The following SYT14 variants were observed in gnomAD, a reference collection of about 807,000 sequenced individuals.
The protein encoded by SYT14 is synaptotagmin 14.
Under a neutral mutation model 74.2 loss-of-function variants are expected in SYT14, and 32 were observed. The observed-to-expected ratio is 0.43, with a 90% CI of 0.33 to 0.58. SYT14 has a LOEUF of 0.58. SYT14 is among the 20% of genes least tolerant of loss of function. SYT14 has a pLI of 0.05. For synonymous variants in SYT14, 298 were observed against 337.7 expected, an observed-to-expected ratio of 0.88 and a Z score of 1.29; for missense variants, 791 against 981.8, an observed-to-expected ratio of 0.81 and a Z score of 2.60.
chr1:210,156,683 CTTTTTTTTTTTTTTTTTT>C (rs71146208), intron 8 of SYT14, among the ~76,000 whole-genome samples: 5 of 55,996 alleles, frequency 8.9e-5, no homozygotes, highest in Middle Eastern at 0.027. Flanking sequence ...GTGGCAGCTT[CTTTTTTTTTTTTTTTTTT>C]TTTTTTTTTT....
At chr1:210,077,627 A>T (rs846549) in intron 5 of SYT14, among the ~76,000 whole-genome samples, 86,404 of 152,084 alleles carry the variant, frequency 0.57, 26,642 homozygotes, top group African/African-American at 0.82. Flanking sequence ...GTCAAATTGC[A>T]GGGTCATATT....
intron 5 of SYT14, among the ~76,000 whole-genome samples, chr1:210,060,025 G>C (rs1452382364): frequency 6.6e-6 from 1 of 152,098 alleles, no homozygotes; most frequent in East Asian, 1.9e-4. Flanking sequence ...CTCAGCTCTA[G>C]TCTAGCATTG....
At chr1:210,068,427 T>G (rs2081334995) in intron 5 of SYT14, among the ~76,000 whole-genome samples, 1 of 151,758 alleles carries the variant, frequency 6.6e-6, no homozygotes, top group Admixed American at 6.6e-5. Flanking sequence ...GTAAAGCAAG[T>G]TTTGGATTAT....
At chr1:210,071,912 T>G (rs947282109) in intron 5 of SYT14, among the ~76,000 whole-genome samples, 4 of 151,918 alleles carry the variant, frequency 2.6e-5, no homozygotes, top group Non-Finnish European at 5.9e-5. Context: ...ATATGAATGT[T>G]CCTATGAGAT....
intron 7 of SYT14, among the ~76,000 whole-genome samples, chr1:210,116,854 A>G (rs2102598219): frequency 6.6e-6 from 1 of 152,250 alleles, no homozygotes; most frequent in Admixed American, 6.5e-5. Flanking sequence ...CAACATGTCC[A>G]AGTAAATCTG....
chr1:210,091,464 G>T (rs1404189090), intron 5 of SYT14, among the ~76,000 whole-genome samples: 1 of 152,136 alleles, frequency 6.6e-6, no homozygotes. Flanking sequence ...CGAGGCAGGC[G>T]GATTGCTTGA....
chr1:210,144,846 C>G (rs1423912693), intron 7 of SYT14, among the ~76,000 whole-genome samples: 1 of 152,096 alleles, frequency 6.6e-6, no homozygotes, highest in African/African-American at 2.4e-5. Flanking sequence ...GATTCTAACA[C>G]TCTATATGCT....
intron 7 of SYT14, among the ~76,000 whole-genome samples, chr1:210,100,822 C>T (rs2082051195): frequency 6.6e-6 from 1 of 151,980 alleles, no homozygotes; most frequent in Non-Finnish European, 1.5e-5. Flanking sequence ...CTAGGCAATA[C>T]ATTAAGAAGT....
chr1:210,169,730 G>C (rs549306353), exon 10 of SYT14: 1 of 152,176 alleles, frequency 6.6e-6, no homozygotes, highest in East Asian at 1.9e-4. Context: ...TATGTTTTCA[G>C]TTAAATTAGC....
Position 210,080,460 on chromosome 1 carries a change from G to A in SYT14, c.1313-13862G>A, listed in dbSNP as rs141153846. ...GAATAGTCACACCTCTTGATATCAC[G>A]TACTCTTTATTTTCTTAATGTTACA... On this transcript the variant is annotated intron_variant, in intron 5 of 9. Transcript: ENST00000637265. Among the ~76,000 whole-genome samples, 748 of 152,202 alleles carry A rather than the reference G, an allele frequency of 4.9e-3. 4 individuals carry two copies. The highest frequency in any genetic ancestry group is 0.014 in the African/African-American group (588 of 41,516).
Position 210,094,657 on chromosome 1 carries a change from C to T in SYT14, c.1584+64C>T, listed in dbSNP as rs2081937691. The T allele has an allele frequency of 1.5e-5, 23 of 1,544,256 alleles. No individual in the cohort carries two copies. In the South Asian group the frequency reaches 2.6e-4, roughly 17 times the overall value. On this transcript the variant is annotated intron_variant, in intron 6 of 9. Transcript: ENST00000637265. ...TTTGGAGGATAATAATCCTGTGCTT[C>T]TCCTCTTGGTAAGAAGAATTGATTT... is the stretch of plus-strand genomic sequence containing the variant.
intron 5 of SYT14, among the ~76,000 whole-genome samples, chr1:210,068,944 T>C (rs2081344326): frequency 3.3e-5 from 5 of 151,870 alleles, no homozygotes; most frequent in Admixed American, 3.3e-4. Flanking sequence ...AAAATACCAT[T>C]TCAGTTGTAT....
chr1:210,041,463 C>CA (rs1272846059), intron 5 of SYT14, among the ~76,000 whole-genome samples: 1 of 152,030 alleles, frequency 6.6e-6, no homozygotes, highest in Non-Finnish European at 1.5e-5. Context: ...CTATAATTTA[C>CA]AAAAAATTTT....
exon 6 of SYT14, chr1:210,094,533 T>A (rs2081934869): frequency 6.2e-7 from 1 of 1,611,924 alleles, no homozygotes; most frequent in Non-Finnish European, 8.5e-7. Flanking sequence ...TAGAAAGTTT[T>A]CATAATAAAG....
intron 2 of SYT14, among the ~76,000 whole-genome samples, chr1:209,965,527 C>T (rs999182518): frequency 1.3e-5 from 2 of 152,130 alleles, no homozygotes; most frequent in African/African-American, 2.4e-5. Flanking sequence ...CATATAAGTG[C>T]GTGTATCTTT....
intron 2 of SYT14, among the ~76,000 whole-genome samples, chr1:209,973,230 C>CT: frequency 6.7e-6 from 1 of 150,092 alleles, no homozygotes; most frequent in East Asian, 1.9e-4. Flanking sequence ...TTTTATTATA[C>CT]TTTAAGTTTT....
exon 10 of SYT14, chr1:210,163,698 A>G (rs4844954): frequency 0.83 from 376,574 of 453,614 alleles, 156,931 homozygotes; most frequent in East Asian, 0.95. Flanking sequence ...ACAACTTATA[A>G]TAATTACTCC....
intron 2 of SYT14, among the ~76,000 whole-genome samples, chr1:210,000,466 G>GCGCGCACA (rs1553264180): frequency 1.8e-4 from 26 of 143,102 alleles, no homozygotes; most frequent in African/African-American, 5.0e-4. Flanking sequence ...GTCCTCATAC[G>GCGCGCACA]CACACACACA....
At chr1:210,061,936 T>G (rs1318682850) in intron 5 of SYT14, among the ~76,000 whole-genome samples, 1 of 151,876 alleles carries the variant, frequency 6.6e-6, no homozygotes, top group Admixed American at 6.6e-5. Flanking sequence ...GTAGTTGCCT[T>G]ATTTTTTCAA....
Sources: allele counts gnomAD v4.1 joint callset (sites outside exome capture counted in the v4.1 genomes callset), GRCh38; gene constraint gnomAD v4.1.1; transcripts MANE v1.5; gene names NCBI Gene and HGNC (gene_info 2026-07-23, HGNC 2026-07-21).